Variants in INO80D observed in about 807,000 individuals in gnomAD.
INO80D encodes INO80 complex subunit D.
A neutral mutation model predicts 87.6 loss-of-function variants in INO80D; 21 were observed. The observed-to-expected ratio is 0.24, with a 90% confidence interval of 0.17 to 0.35. The LOEUF (loss-of-function observed/expected upper bound fraction) is 0.35. INO80D is among the 10% of genes least tolerant of loss of function. INO80D has a pLI of 1.00. For synonymous variants in INO80D, 440 were observed against 491.0 expected (o/e 0.90, Z 1.37); for missense variants, 982 against 1,280.7 (o/e 0.77, Z 3.56).
intron 1 of INO80D, among the ~76,000 whole-genome samples, chr2:206,083,940 G>C (rs913409788): frequency 1.3e-5 from 2 of 151,616 alleles, no homozygotes; most frequent in African/African-American, 4.8e-5. Flanking sequence ...ACTGGGGACT[G>C]GCAGTGGGGG....
Position 206,004,241 on chromosome 2 carries a change from G to T in INO80D, c.*127C>A, listed in dbSNP as rs1419754378. On this transcript the variant is annotated 3_prime_UTR_variant, in exon 11 of 11. Transcript: ENST00000403263. The surrounding 1 kb of genome is among the most constrained non-coding windows in gnomAD (Gnocchi z 4.9). ...ACTGCAGGGCCACTCATTGAACTGGGAAGGGGGGTGCCCCTCTGATCCCCA... is the reference window on the plus strand; with the variant it reads ...ACTGCAGGGCCACTCATTGAACTGGTAAGGGGGGTGCCCCTCTGATCCCCA... 4.7e-6 allele frequency: 4 copies of T among 856,872 alleles called. No homozygotes were observed. Among genetic ancestry groups the T allele is most frequent in the Non-Finnish European group, 7.2e-6 (4 of 554,104 alleles). The allele number at this position is 856,872 out of a possible 1,614,324, so 53.1% of individuals were successfully genotyped here. A position where few individuals can be genotyped will look rare whatever the true frequency, so the allele number is the denominator to read the frequency against.
intron 10 of INO80D, among the ~76,000 whole-genome samples, chr2:206,005,889 T>G (rs555255952): frequency 4.6e-5 from 7 of 152,314 alleles, no homozygotes; most frequent in African/African-American, 9.6e-5. Flanking sequence ...TTATCATCAT[T>G]AACATAGAAA....
chr2:206,050,653 T>C (rs865833644), intron 4 of INO80D, among the ~76,000 whole-genome samples: 1 of 143,042 alleles, frequency 7.0e-6, no homozygotes, highest in Middle Eastern at 3.4e-3. Context: ...GTGTTGGAAT[T>C]AGAGGCAAAC....
At chr2:206,019,990 T>G (rs1559436615) in intron 6 of INO80D, 145 bp from the exon 7 acceptor site, 1 of 539,112 alleles carries the variant, frequency 1.9e-6, no homozygotes, top group Non-Finnish European at 3.3e-6. Context: ...CAAATGTGAT[T>G]TAAAGAAAGA....
intron 5 of INO80D, among the ~76,000 whole-genome samples, chr2:206,035,553 C>T (rs1354609724): frequency 2.0e-5 from 3 of 151,996 alleles, no homozygotes; most frequent in South Asian, 2.1e-4. Context: ...AGAATGAAAC[C>T]GGATCCTCTC....
chr2:206,063,786 G>A (rs1007483411), intron 1 of INO80D: 4 of 152,120 alleles, frequency 2.6e-5, no homozygotes, highest in African/African-American at 7.2e-5. Flanking sequence ...CCTCAAAGCA[G>A]CAAAACTCTT....
At chr2:206,080,356 G>C (rs1392303539) in intron 1 of INO80D, among the ~76,000 whole-genome samples, 4 of 152,142 alleles carry the variant, frequency 2.6e-5, no homozygotes, top group Non-Finnish European at 5.9e-5. Context: ...GGAACGAGGA[G>C]TAAAGCAAAC....
intron 6 of INO80D, 108 bp downstream of exon 6, chr2:206,028,003 C>T (rs1559441094): frequency 2.9e-6 from 2 of 684,150 alleles, no homozygotes; most frequent in East Asian, 2.9e-5. Flanking sequence ...AATGCTTAAA[C>T]GTTTAGGACT....
At chr2:206,050,226 C>T (rs181362651) in intron 4 of INO80D, among the ~76,000 whole-genome samples, 1 of 152,092 alleles carries the variant, frequency 6.6e-6, no homozygotes, top group Non-Finnish European at 1.5e-5. Context: ...GGCACAGTGG[C>T]TCATGCCTGT....
chr2:206,027,655 G>A (rs1333574680), intron 6 of INO80D, among the ~76,000 whole-genome samples: 2 of 152,082 alleles, frequency 1.3e-5, no homozygotes, highest in Admixed American at 1.3e-4. Context: ...AGTGATCTAT[G>A]ATCACACCAC....
Position 206,047,498 on chromosome 2 carries a change from C to T in INO80D, c.965-886G>A, listed in dbSNP as rs145684926. ...CCTCCCAAAGTGCTGGGATTACAGG[C>T]GTGAGCCACCACATCTGGCCAGAAT... On this transcript the variant is annotated intron_variant, in intron 4 of 10. Coordinates refer to ENST00000403263, the MANE Select transcript of INO80D (RefSeq NM_017759.5). Among the ~76,000 whole-genome samples the T allele has an allele frequency of 3.5e-3, 530 of 152,144 alleles. 1 individual carries two copies. Among genetic ancestry groups the T allele is most frequent in the Admixed American group, 0.011 (164 of 15,278 alleles).
At chr2:206,011,632 C>T (rs1688177300) in intron 8 of INO80D, among the ~76,000 whole-genome samples, 1 of 152,260 alleles carries the variant, frequency 6.6e-6, no homozygotes, top group Admixed American at 6.5e-5. Flanking sequence ...TTCTGCCTGA[C>T]AGCCGGGACT....
chr2:206,043,362 G>A (rs1575839442), intron 5 of INO80D, among the ~76,000 whole-genome samples: 1 of 152,194 alleles, frequency 6.6e-6, no homozygotes, highest in African/African-American at 2.4e-5. Flanking sequence ...AGTAGAGATG[G>A]GGTTTCACCA....
chr2:206,028,318 G>A lies in INO80D; in HGVS notation c.1091C>T (p.Ala364Val), dbSNP rs75444615. The change falls in exon 6 of 11, where the codon GCG becomes GTG. Residue 364 changes from alanine to valine, a missense_variant. Transcript: ENST00000403263. ...YQRHASDDDD[A>V]ESRSSRVTQL... ...AGTCACCCTGGAGCTCCTACTCTCC[G>A]CATCATCATCATCTGACCTGGAAAG... 1.6e-3 allele frequency: 2,571 copies of A among 1,598,810 alleles called. 20 individuals carry two copies. In the East Asian group the frequency reaches 0.023, roughly 14 times the overall value.
chr2:206,082,743 G>C (rs542620369), intron 1 of INO80D, among the ~76,000 whole-genome samples: 24 of 152,304 alleles, frequency 1.6e-4, no homozygotes, highest in African/African-American at 5.8e-4. Flanking sequence ...CATAACCATT[G>C]TACCAAACCT....
chr2:206,074,227 G>T (rs1254802172), intron 1 of INO80D, among the ~76,000 whole-genome samples: 1 of 152,128 alleles, frequency 6.6e-6, no homozygotes, highest in Non-Finnish European at 1.5e-5. Flanking sequence ...CCAAAAAATG[G>T]AAATAACCAT....
chr2:206,069,857 CT>C (rs923282353), intron 1 of INO80D, among the ~76,000 whole-genome samples: 17 of 152,078 alleles, frequency 1.1e-4, no homozygotes, highest in African/African-American at 3.9e-4. Context: ...CAAAATGATG[CT>C]TTTTTTTAAC....
intron 1 of INO80D, among the ~76,000 whole-genome samples, chr2:206,072,846 CTT>C (rs35269123): frequency 5.6e-5 from 8 of 143,824 alleles, no homozygotes; most frequent in Non-Finnish European, 3.1e-5. Flanking sequence ...ACTTTCTTCT[CTT>C]TTTTTTTTTT....
At chr2:206,069,143 C>T (rs2105898617) in intron 1 of INO80D, among the ~76,000 whole-genome samples, 1 of 152,204 alleles carries the variant, frequency 6.6e-6, no homozygotes, top group East Asian at 1.9e-4. Context: ...ATATTCAGTA[C>T]AAAGGTTTGA....
Sources: allele counts gnomAD v4.1 joint callset (sites outside exome capture counted in the v4.1 genomes callset), GRCh38; gene constraint gnomAD v4.1.1; non-coding constraint Gnocchi (gnomAD v3.1); transcripts MANE v1.5; gene names NCBI Gene and HGNC (gene_info 2026-07-23, HGNC 2026-07-21).